The following KCNQ5 variants were observed in gnomAD, a reference collection of about 807,000 sequenced individuals.
KCNQ5 encodes potassium voltage-gated channel subfamily Q member 5.
A neutral mutation model predicts 98.2 loss-of-function variants in KCNQ5; 30 were observed. That is an observed-to-expected ratio of 0.31 (90% CI 0.23 to 0.41). The LOEUF is 0.41. KCNQ5 is among the 10% of genes least tolerant of loss of function. KCNQ5 has a pLI of 1.00. For missense variants in KCNQ5, 835 were observed against 1,182.5 expected, an observed-to-expected ratio of 0.71 and a Z score of 4.31; for synonymous variants, 458 against 449.4, an observed-to-expected ratio of 1.02 and a Z score of -0.24.
chr6:72,801,957 C>T (rs796706968), intron 1 of KCNQ5, among the ~76,000 whole-genome samples: 271 of 152,254 alleles, frequency 1.8e-3, no homozygotes, highest in South Asian at 5.2e-3. Flanking sequence ...TATTGGTCCC[C>T]ACTCTCTTCT....
intron 1 of KCNQ5, among the ~76,000 whole-genome samples, chr6:72,706,821 T>A (rs112298971): frequency 5.7e-4 from 87 of 152,310 alleles, no homozygotes; most frequent in African/African-American, 2.0e-3. Context: ...ACACCATCTG[T>A]GATTAAAAAG....
intron 5 of KCNQ5, among the ~76,000 whole-genome samples, chr6:73,094,878 AT>A (rs376243163): frequency 2.0e-5 from 3 of 152,174 alleles, no homozygotes; most frequent in African/African-American, 7.2e-5. Context: ...TTAACTTTAG[AT>A]TACCTGATGA....
intron 1 of KCNQ5, among the ~76,000 whole-genome samples, chr6:72,920,397 G>A (rs1486530640): frequency 6.6e-6 from 1 of 152,168 alleles, no homozygotes; most frequent in Admixed American, 6.6e-5. Flanking sequence ...CCAAAAGAAT[G>A]GTTTGATCCC....
intron 10 of KCNQ5, among the ~76,000 whole-genome samples, chr6:73,169,097 G>A (rs1241170677): frequency 6.6e-6 from 1 of 152,082 alleles, no homozygotes; most frequent in African/African-American, 2.4e-5. Context: ...TAATAATTTG[G>A]CATTTATTAT....
In KCNQ5 at chr6:73,102,571, C is replaced by T. The variant is rs148144709; in HGVS notation, c.919-2686C>T. The stretch of plus-strand genomic sequence containing the variant: ...AAAATAAAATAATCCAATTTTAAAA[C>T]GGGCAAAAAATCTAAATAGATATTT... On this transcript the variant is annotated intron_variant, in intron 5 of 13. Transcript: ENST00000370398. 4.6e-3 allele frequency among the ~76,000 whole-genome samples: 696 copies of T among 152,108 alleles called. 2 individuals carry two copies. The highest frequency in any genetic ancestry group is 0.015 in the African/African-American group (628 of 41,514).
At chr6:73,193,464 A>AAAAATAAAATAAAATAAAATAAAAT (rs397976608) in intron 13 of KCNQ5, among the ~76,000 whole-genome samples, 8,135 of 126,560 alleles carry the variant, frequency 0.064, 416 homozygotes, top group Non-Finnish European at 0.082. Context: ...TGTCTCTACT[A>AAAAATAAAATAAAATAAAATAAAAT]AAAATAAAAT....
At chr6:73,106,109 G>A (rs1016545175) in intron 6 of KCNQ5, among the ~76,000 whole-genome samples, 6 of 151,962 alleles carry the variant, frequency 3.9e-5, no homozygotes, top group Non-Finnish European at 5.9e-5. Context: ...AGTGCTTAAG[G>A]AAAATAGATC....
rs1774695163 is a variant in KCNQ5 at position 72,802,174 on chromosome 6, G to A, written c.398+179587G>A. Among the ~76,000 whole-genome samples the A allele has an allele frequency of 2.0e-5, 3 of 152,194 alleles. No individual in the cohort carries two copies. In the South Asian group the frequency reaches 6.2e-4, roughly 32 times the overall value. On this transcript the variant is annotated intron_variant, in intron 1 of 13. Transcript: ENST00000370398. ...ATTTCCTGAATCTGAATGTTGGCCT[G>A]CCTTGCTAGATTGGGGAAGTTCTCC...
chr6:72,802,349 C>T (rs1774705317), intron 1 of KCNQ5, among the ~76,000 whole-genome samples: 1 of 152,116 alleles, frequency 6.6e-6, no homozygotes, highest in East Asian at 1.9e-4. Flanking sequence ...TTTCTCTAAA[C>T]TTCCCTTCTC....
At chr6:72,899,401 G>C (rs890996310) in intron 1 of KCNQ5, among the ~76,000 whole-genome samples, 1 of 151,816 alleles carries the variant, frequency 6.6e-6, no homozygotes, top group Admixed American at 6.6e-5. Context: ...CTCTCAGATC[G>C]TTTACTAATG....
intron 1 of KCNQ5, among the ~76,000 whole-genome samples, chr6:72,647,743 A>G (rs1270900592): frequency 1.3e-5 from 2 of 152,154 alleles, no homozygotes; most frequent in African/African-American, 4.8e-5. Context: ...AATGAGGCAA[A>G]TTTATTTCTC....
At chr6:73,004,939 A>G (rs1769749987) in intron 2 of KCNQ5, among the ~76,000 whole-genome samples, 1 of 152,204 alleles carries the variant, frequency 6.6e-6, no homozygotes, top group South Asian at 2.1e-4. Flanking sequence ...AAAAATTGTT[A>G]CTACCACGAA....
At chr6:72,835,901 A>C (rs553449246) in intron 1 of KCNQ5, among the ~76,000 whole-genome samples, 1 of 152,354 alleles carries the variant, frequency 6.6e-6, no homozygotes, top group South Asian at 2.1e-4. Flanking sequence ...ACTATATAAT[A>C]GTATATCACT....
chr6:72,786,341 C>T (rs1413228187), intron 1 of KCNQ5, among the ~76,000 whole-genome samples: 2 of 152,120 alleles, frequency 1.3e-5, no homozygotes, highest in Non-Finnish European at 2.9e-5. Flanking sequence ...GATGTTAGCC[C>T]TTTGTCAGAA....
At chr6:73,077,062 G>A (rs944154885) in intron 3 of KCNQ5, among the ~76,000 whole-genome samples, 3 of 152,278 alleles carry the variant, frequency 2.0e-5, no homozygotes, top group East Asian at 1.9e-4. Context: ...TAAATAATAC[G>A]TTGTTCAAAA....
intron 5 of KCNQ5, among the ~76,000 whole-genome samples, chr6:73,089,708 A>G (rs1423942400): frequency 6.6e-6 from 1 of 151,976 alleles, no homozygotes; most frequent in African/African-American, 2.4e-5. Flanking sequence ...ATAGTCTCCA[A>G]TCTCATCTAG....
At chr6:72,944,821 A>G (rs1166502454) in intron 1 of KCNQ5, among the ~76,000 whole-genome samples, 1 of 152,194 alleles carries the variant, frequency 6.6e-6, no homozygotes, top group Non-Finnish European at 1.5e-5. Context: ...AATAAAGCCC[A>G]TTCAAAAAGG....
intron 1 of KCNQ5, among the ~76,000 whole-genome samples, chr6:72,812,972 T>C (rs1373626372): frequency 6.6e-6 from 1 of 152,210 alleles, no homozygotes; most frequent in Admixed American, 6.5e-5. Flanking sequence ...CTATTGATAA[T>C]TAATTTATAA....
intron 1 of KCNQ5, among the ~76,000 whole-genome samples, chr6:72,988,905 GT>G (rs1768965638): frequency 1.4e-5 from 1 of 72,804 alleles, no homozygotes; most frequent in African/African-American, 5.5e-5. Flanking sequence ...AATATGCGTT[GT>G]TTGGTTTTTT....
Sources: allele counts gnomAD v4.1 joint callset (sites outside exome capture counted in the v4.1 genomes callset), GRCh38; gene constraint gnomAD v4.1.1; transcripts MANE v1.5; gene names NCBI Gene and HGNC (gene_info 2026-07-23, HGNC 2026-07-21).